The following MS4A18 variants were observed in gnomAD, a reference collection of about 807,000 sequenced individuals.
The protein encoded by MS4A18 is membrane spanning 4-domains A18, also known as membrane-spanning 4-domains subfamily A member 18.
In MS4A18, 27 loss-of-function variants were observed where a neutral mutation model predicts 13.1. That is an observed-to-expected ratio of 2.06 (90% CI 1.52 to 2.84). The LOEUF (loss-of-function observed/expected upper bound fraction) is 2.84, where lower values mean the gene tolerates loss of function less well. MS4A18 is among the 30% of genes most tolerant of loss of function. MS4A18 has a pLI of 0.00. For synonymous variants in MS4A18, 126 were observed against 76.5 expected, an observed-to-expected ratio of 1.65 and a Z score of -3.38; for missense variants, 307 against 196.4, an observed-to-expected ratio of 1.56 and a Z score of -3.37.
chr11:60,737,176 A>G (rs1853355080), intron 3 of MS4A18, 142 bp downstream of exon 4: 2 of 630,964 alleles, frequency 3.2e-6, no homozygotes, highest in Non-Finnish European at 2.8e-6. Context: ...ATTCCAGTCA[A>G]TCCCCATCAC....
chr11:60,724,943 C>G (rs371525072), upstream of MS4A18, among the ~76,000 whole-genome samples: 33 of 152,342 alleles, frequency 2.2e-4, no homozygotes, highest in South Asian at 6.4e-3. Context: ...TCCAGCAAGA[C>G]AGGCGTGCAG....
intron 3 of MS4A18, among the ~76,000 whole-genome samples, chr11:60,738,054 C>G (rs1203191663): frequency 1.3e-5 from 2 of 152,240 alleles, no homozygotes; most frequent in Non-Finnish European, 2.9e-5. Flanking sequence ...CTAGTCCTCT[C>G]TTGCTCTGAC....
intron 5 of MS4A18, among the ~76,000 whole-genome samples, chr11:60,742,476 A>G (rs781119556): frequency 7.2e-5 from 11 of 152,202 alleles, no homozygotes; most frequent in Non-Finnish European, 1.2e-4. Context: ...ACTGTGTTCT[A>G]GACACACTCT....
exon 6 of MS4A18, chr11:60,743,892 T>C (rs750031827): frequency 4.4e-5 from 31 of 703,024 alleles, no homozygotes; most frequent in Middle Eastern, 4.6e-4. Context: ...ATGTGACAAC[T>C]GGCCCCGTTA....
exon 6 of MS4A18, chr11:60,744,195 A>G (rs535157347): frequency 1.8e-6 from 1 of 567,530 alleles, no homozygotes; most frequent in Admixed American, 3.2e-5. Context: ...TTTTTCATTC[A>G]TAAATAATTT....
At chr11:60,727,281 TGGCA>T (rs1260302483), upstream of MS4A18, among the ~76,000 whole-genome samples, 3 of 152,196 alleles carry the variant, frequency 2.0e-5, no homozygotes, top group African/African-American at 7.2e-5. Flanking sequence ...GGTTCTATGC[TGGCA>T]GTTTTCTCAA....
chr11:60,743,620 G>C, intron 5 of MS4A18, 30 bp from the exon 7 acceptor site: 3 of 696,290 alleles, frequency 4.3e-6, no homozygotes, highest in Non-Finnish European at 7.9e-6. Flanking sequence ...TACAGAGGAA[G>C]ATGACGACCA....
At chr11:60,730,561 A>G (rs1384756722) in intron 1 of MS4A18, among the ~76,000 whole-genome samples, 1 of 152,224 alleles carries the variant, frequency 6.6e-6, no homozygotes, top group Non-Finnish European at 1.5e-5. Context: ...GGCAATTGCC[A>G]TGAGACATGC....
Position 60,734,640 on chromosome 11 carries a change from C to T in MS4A18, c.591+993C>T, listed in dbSNP as rs535039809. ...GTCAAATTCATAAAGATAGAAAAAG[C>T]AGCATGGTGATTGCCAGGGGCTGGG... On this transcript the variant is annotated intron_variant, in intron 2 of 5. Coordinates refer to ENST00000529108, the Ensembl canonical transcript of MS4A18. Among the ~76,000 whole-genome samples, 105 of 152,152 alleles carry T rather than the reference C, an allele frequency of 6.9e-4. 2 individuals are homozygous for T. The highest frequency in any genetic ancestry group is 2.5e-3 in the African/African-American group (103 of 41,496).
intron 2 of MS4A18, 71 bp downstream of exon 3, chr11:60,733,718 G>A (rs907299570): frequency 2.8e-6 from 2 of 701,846 alleles, no homozygotes; most frequent in Non-Finnish European, 5.2e-6. Flanking sequence ...GAGGAAGAAG[G>A]AGCATGGAAT....
upstream of MS4A18, among the ~76,000 whole-genome samples, chr11:60,726,959 T>A (rs1372032719): frequency 2.0e-5 from 3 of 151,992 alleles, no homozygotes; most frequent in Non-Finnish European, 4.4e-5. Context: ...CCCCAGTGTG[T>A]AATGTTCCCC....
chr11:60,733,625 AC>A lies in MS4A18; in HGVS notation c.572del (p.Pro191ArgfsTer27), dbSNP rs1853290369. On this transcript the variant is annotated frameshift_variant, in exon 2 of 6. Transcript: ENST00000529108. LOFTEE classifies it high-confidence loss of function. ...CCTTTTGTGACCTGGTTGTCAGGGT[AC>A]CCGCTCTGGGGAGGATTATCCGTGA... The A allele has an allele frequency of 1.4e-6, 1 of 703,452 alleles. No individual in the cohort carries two copies. Among genetic ancestry groups the A allele is most frequent in the Admixed American group, 2.0e-5 (1 of 50,004 alleles). The allele number at this position is 703,452 out of a possible 1,614,324, so 43.6% of individuals were successfully genotyped here. A position where few individuals can be genotyped will look rare whatever the true frequency, so the allele number is the denominator to read the frequency against.
In MS4A18 at chr11:60,732,281, AG is replaced by A. The variant is rs1235187740; in HGVS notation, c.478-1250del. Among the ~76,000 whole-genome samples the A allele has an allele frequency of 2.0e-5, 3 of 152,098 alleles. No homozygotes were observed. The East Asian group carries it at 5.8e-4, about 29-fold the overall frequency. ...ACAGTGGCAACAGTGGAGGAAAAGC[AG>A]GGAGTAAGGGGAAAAACACAGGACT... On this transcript the variant is annotated intron_variant, in intron 1 of 5. Transcript: ENST00000529108.
chr11:60,725,914 T>G (rs1853152943), upstream of MS4A18, among the ~76,000 whole-genome samples: 2 of 152,138 alleles, frequency 1.3e-5, no homozygotes, highest in Admixed American at 1.3e-4. Flanking sequence ...GTTGTTATTC[T>G]AAACCACTCT....
chr11:60,744,163 T>G (rs1853452759), exon 6 of MS4A18: 1 of 584,994 alleles, frequency 1.7e-6, no homozygotes, highest in Admixed American at 3.1e-5. Flanking sequence ...AAGCTTCATT[T>G]TTGTTTGTTA....
At position 60,741,055 on chromosome 11, in the gene MS4A18, G is replaced by A. The variant is rs567699986; in HGVS notation, c.770G>A (p.Gly257Asp). 19 of 702,900 alleles carry A rather than the reference G, an allele frequency of 2.7e-5. 1 individual carries two copies. The highest frequency in any genetic ancestry group is 4.2e-5 in the Non-Finnish European group (16 of 385,002). 43.5% of individuals were successfully genotyped at this position (702,900 alleles called of 1,614,324 possible). Residue 257 changes from glycine (G) to aspartate (D), a missense_variant, in exon 5 of 6, where the codon GGT becomes GAT. Transcript: ENST00000529108. ...ACATATTCAAAGGCGGTTTCTGGCGGTCTTCTCCCCTTTGCCCTCCTGGAG... is the reference window on the plus strand; with the variant it reads ...ACATATTCAAAGGCGGTTTCTGGCGATCTTCTCCCCTTTGCCCTCCTGGAG...
upstream of MS4A18, chr11:60,729,186 T>C (rs1565058480): frequency 3.3e-6 from 2 of 608,170 alleles, no homozygotes; most frequent in Admixed American, 5.7e-5. Context: ...TTATTTTGTC[T>C]GGTACCATGC....
At chr11:60,735,309 A>G (rs1466407665) in intron 2 of MS4A18, among the ~76,000 whole-genome samples, 1 of 151,610 alleles carries the variant, frequency 6.6e-6, no homozygotes, top group East Asian at 1.9e-4. Flanking sequence ...CCGAGAGGTA[A>G]CCACTATTTT....
upstream of MS4A18, among the ~76,000 whole-genome samples, chr11:60,724,839 G>C (rs1853123047): frequency 6.6e-6 from 1 of 152,186 alleles, no homozygotes; most frequent in African/African-American, 2.4e-5. Flanking sequence ...ACAGAGCCTG[G>C]ATAGCACCAG....
Sources: gnomAD v4.1 joint callset for allele counts (sites outside exome capture counted in the v4.1 genomes callset) on GRCh38, gnomAD v4.1.1 for gene constraint, MANE v1.5 for transcripts, NCBI Gene and HGNC (gene_info 2026-07-23, HGNC 2026-07-21) for gene names.